Variants in PDCD6IP observed in about 807,000 individuals in gnomAD.
The protein encoded by PDCD6IP is programmed cell death 6 interacting protein, also known as programmed cell death 6-interacting protein.
PDCD6IP carries 43 observed loss-of-function variants against 103.7 expected under a neutral mutation model. That is an observed-to-expected ratio of 0.41 (90% confidence interval 0.32 to 0.53). PDCD6IP has a LOEUF of 0.53. PDCD6IP is among the 20% of genes least tolerant of loss of function. The pLI is 0.16. For synonymous variants in PDCD6IP, 354 were observed against 378.7 expected (o/e 0.93, Z 0.76); for missense variants, 871 against 1,036.7 (o/e 0.84, Z 2.20).
chr3:33,836,332 A>G (rs1403293748), intron 8 of PDCD6IP, 66 bp downstream of exon 8: 3 of 844,746 alleles, frequency 3.6e-6, no homozygotes, highest in Admixed American at 2.1e-5. Flanking sequence ...TTTCCTAGCT[A>G]AAAATCACAT....
intron 3 of PDCD6IP, among the ~76,000 whole-genome samples, chr3:33,821,625 T>C (rs1284138314): frequency 6.6e-6 from 1 of 152,156 alleles, no homozygotes; most frequent in Non-Finnish European, 1.5e-5. Flanking sequence ...ATGGAAATAA[T>C]TTATTCAAAT....
chr3:33,863,167 TTCA>T (rs1217692800), intron 15 of PDCD6IP, among the ~76,000 whole-genome samples: 8 of 152,326 alleles, frequency 5.3e-5, no homozygotes, highest in African/African-American at 1.9e-4. Flanking sequence ...AATTAGGATA[TTCA>T]TCACATATTT....
chr3:33,815,415 A>G (rs553693924), intron 3 of PDCD6IP, among the ~76,000 whole-genome samples: 2 of 152,198 alleles, frequency 1.3e-5, no homozygotes, highest in Non-Finnish European at 2.9e-5. Flanking sequence ...CCAATAGCTT[A>G]ATGAGGAAAA....
chr3:33,825,320 T>G lies in PDCD6IP; in HGVS notation c.596T>G (p.Phe199Cys). 1 of 1,601,626 alleles carries G rather than the reference T, an allele frequency of 6.2e-7. No homozygotes were observed. The highest frequency in any genetic ancestry group is 2.2e-5 in the East Asian group (1 of 44,804). The change falls in exon 5 of 18, where the codon TTT (phenylalanine) becomes TGT (cysteine). Residue 199 changes from phenylalanine to cysteine, a missense_variant. By Grantham distance (205) the Phe-to-Cys change is radical. Coordinates refer to ENST00000307296, the MANE Select transcript of PDCD6IP (RefSeq NM_013374.6). ...LIMLAQAQEV[F>C]FLKATRDKMK... ...ATGCTGGCACAGGCTCAAGAAGTAT[T>G]TTTTTTAAAAGCCACAAGAGGTAAC...
In PDCD6IP at chr3:33,866,691, T is replaced by C; in HGVS notation, c.*166T>C. The C allele has an allele frequency of 2.2e-6, 1 of 458,064 alleles. No individual in the cohort carries two copies. The highest frequency in any genetic ancestry group is 3.7e-6 in the Non-Finnish European group (1 of 266,732). 28.4% of individuals were successfully genotyped at this position (458,064 alleles called of 1,614,324 possible). A position where few individuals can be genotyped will look rare whatever the true frequency, so the allele number is the denominator to read the frequency against. On this transcript the variant is annotated 3_prime_UTR_variant, in exon 18 of 18. Transcript: ENST00000307296. Reference sequence around the variant, plus strand: ...TAGAAGCTGTGCCCCAGTTCCACATTTGATTACACATGTGAGATTTGCTGC... The same window carrying C: ...TAGAAGCTGTGCCCCAGTTCCACATCTGATTACACATGTGAGATTTGCTGC...
chr3:33,854,955 T>G lies in PDCD6IP; in HGVS notation c.2026-211T>G, dbSNP rs1449308832. ...TTACATTTTTTATGATAATGTTCTG[T>G]AAAAATGCTTTTATTATTTTTATTT... On this transcript the variant is annotated intron_variant, in intron 14 of 17. Transcript: ENST00000307296. 7 of 313,096 alleles carry G rather than the reference T, an allele frequency of 2.2e-5. No homozygotes were observed. In the East Asian group the frequency reaches 4.0e-4, roughly 18 times the overall value. 19.4% of individuals were successfully genotyped at this position (313,096 alleles called of 1,614,324 possible).
intron 1 of PDCD6IP, among the ~76,000 whole-genome samples, chr3:33,805,519 C>G (rs1045944758): frequency 1.3e-5 from 2 of 152,028 alleles, no homozygotes; most frequent in Non-Finnish European, 1.5e-5. Flanking sequence ...ACTGCAGCCT[C>G]GATCTCCTGG....
intron 7 of PDCD6IP, among the ~76,000 whole-genome samples, chr3:33,833,894 G>C (rs1409485397): frequency 1.3e-5 from 2 of 152,058 alleles, no homozygotes; most frequent in African/African-American, 4.8e-5. Flanking sequence ...TTGTGTTAAG[G>C]GCTCCCTCCT....
intron 6 of PDCD6IP, 123 bp from the exon 7 acceptor site, chr3:33,828,730 C>A: frequency 2.1e-6 from 2 of 964,818 alleles, no homozygotes; most frequent in Non-Finnish European, 1.6e-6. Context: ...TAACCTTAAT[C>A]TCTAAACCAT....
chr3:33,865,510 C>A, intron 17 of PDCD6IP, 80 bp downstream of exon 17: 1 of 1,179,952 alleles, frequency 8.5e-7, no homozygotes, highest in Non-Finnish European at 1.2e-6. Flanking sequence ...ACAGGGTCAT[C>A]CCTTCTCCAA....
At chr3:33,851,028 A>G (rs1048881433) in intron 12 of PDCD6IP, among the ~76,000 whole-genome samples, 3 of 152,050 alleles carry the variant, frequency 2.0e-5, no homozygotes, top group Non-Finnish European at 4.4e-5. Flanking sequence ...ATTCACCTAC[A>G]TTTAGCAGAA....
chr3:33,858,143 A>G (rs571557404), intron 15 of PDCD6IP, among the ~76,000 whole-genome samples: 9 of 152,214 alleles, frequency 5.9e-5, no homozygotes, highest in Non-Finnish European at 1.0e-4. Flanking sequence ...AAATAAACCT[A>G]TAGAGGATAA....
chr3:33,805,838 A>G (rs1696584765), intron 1 of PDCD6IP, among the ~76,000 whole-genome samples: 1 of 151,790 alleles, frequency 6.6e-6, no homozygotes, highest in South Asian at 2.1e-4. Context: ...TCCACCTCCC[A>G]GGTTCACGCC....
intron 3 of PDCD6IP, among the ~76,000 whole-genome samples, chr3:33,814,666 T>C (rs1049500519): frequency 1.4e-5 from 2 of 143,866 alleles, no homozygotes; most frequent in African/African-American, 2.6e-5. Context: ...TATATGCATG[T>C]ATGTATATAT....
At chr3:33,821,097 C>T (rs1696981186) in intron 3 of PDCD6IP, among the ~76,000 whole-genome samples, 1 of 152,082 alleles carries the variant, frequency 6.6e-6, no homozygotes, top group Non-Finnish European at 1.5e-5. Context: ...GCCTTGAACT[C>T]CTGGGCCCTA....
At chr3:33,815,558 C>G (rs537158333) in intron 3 of PDCD6IP, among the ~76,000 whole-genome samples, 1 of 152,144 alleles carries the variant, frequency 6.6e-6, no homozygotes, top group Non-Finnish European at 1.5e-5. Flanking sequence ...GAGAAACAGA[C>G]CAGTGAGGAG....
intron 7 of PDCD6IP, among the ~76,000 whole-genome samples, chr3:33,832,752 T>C (rs1219933125): frequency 6.6e-6 from 1 of 152,212 alleles, no homozygotes; most frequent in African/African-American, 2.4e-5. Context: ...TTTAGTTATT[T>C]ATACTTGAGA....
chr3:33,825,724 T>C (rs1485008603), intron 5 of PDCD6IP, among the ~76,000 whole-genome samples: 3 of 152,194 alleles, frequency 2.0e-5, no homozygotes, highest in Non-Finnish European at 4.4e-5. Flanking sequence ...ACGGGAGAGA[T>C]GATAAGCAAG....
At chr3:33,826,681 G>T in intron 6 of PDCD6IP, 101 bp downstream of exon 6, 7 of 1,476,822 alleles carry the variant, frequency 4.7e-6, no homozygotes, top group East Asian at 2.6e-5. Context: ...GAAATTTGAA[G>T]TTTTAATAGA....
Sources: gnomAD v4.1 joint callset for allele counts (sites outside exome capture counted in the v4.1 genomes callset) on GRCh38, gnomAD v4.1.1 for gene constraint, MANE v1.5 for transcripts, NCBI Gene and HGNC (gene_info 2026-07-23, HGNC 2026-07-21) for gene names.